The following PREX1 variants were observed in gnomAD, a reference collection of about 807,000 sequenced individuals.
PREX1 encodes phosphatidylinositol 3,4,5-trisphosphate-dependent Rac exchanger 1 protein.
Under a neutral mutation model 198.3 loss-of-function variants are expected in PREX1, and 41 were observed. The ratio of observed to expected loss-of-function variants is 0.21; its 90% CI spans 0.16 to 0.27. The LOEUF is 0.27. Among genes scored for constraint, PREX1 ranks in the 10% least tolerant of loss-of-function variants. The pLI is 1.00. For missense variants in PREX1, 1,620 were observed against 2,200.7 expected, an observed-to-expected ratio of 0.74 and a Z score of 5.28; for synonymous variants, 843 against 887.2, an observed-to-expected ratio of 0.95 and a Z score of 0.89.
At chr20:48,796,747 C>T (rs146832185) in intron 1 of PREX1, among the ~76,000 whole-genome samples, 79 of 149,404 alleles carry the variant, frequency 5.3e-4, no homozygotes, top group African/African-American at 1.7e-3. Flanking sequence ...TATGTATATG[C>T]GTAATTATAT....
At chr20:48,854,659 T>C in the PREX1 span, among the ~76,000 whole-genome samples, 1 of 152,218 alleles carries the variant, frequency 6.6e-6, no homozygotes, top group Non-Finnish European at 1.5e-5. Context: ...TGAATCTCCA[T>C]TGATACTGGT....
intron 3 of PREX1, among the ~76,000 whole-genome samples, chr20:48,743,046 AAC>A: frequency 6.6e-6 from 1 of 152,288 alleles, no homozygotes; most frequent in Admixed American, 6.5e-5. Flanking sequence ...AGGCCGGAGT[AAC>A]ACTCACAGCT....
At chr20:48,801,593 T>G (rs1289606204) in intron 1 of PREX1, among the ~76,000 whole-genome samples, 2 of 152,114 alleles carry the variant, frequency 1.3e-5, no homozygotes, top group Non-Finnish European at 2.9e-5. Flanking sequence ...ATCCAGTCGC[T>G]CCTCTCCTCC....
In PREX1 at chr20:48,649,549, T is replaced by C; in HGVS notation, c.3056A>G (p.Gln1019Arg). Residue 1019 changes from glutamine (Q) to arginine (R), a missense_variant, in exon 25 of 40, where the codon CAG becomes CGG. By Grantham distance (43) the Gln-to-Arg change is conservative. Around this residue, in one of 7 missense-constraint regions of PREX1, gnomAD observed 514 missense variants for 611.6 expected, o/e 0.84. Transcript: ENST00000371941. ...QGHLNPMSYT[Q>R]HCITTMAAPS... The stretch of plus-strand genomic sequence containing the variant: ...AGCAGCCATGGTGGTGATGCAGTGC[T>C]GGGTGTACGACATGGGGTTCAGGTG... The C allele has an allele frequency of 1.2e-6, 2 of 1,607,370 alleles. No homozygotes were observed. The highest frequency in any genetic ancestry group is 1.1e-5 in the South Asian group (1 of 90,238).
intron 1 of PREX1, among the ~76,000 whole-genome samples, chr20:48,760,885 C>T (rs758613554): frequency 1.3e-5 from 2 of 152,142 alleles, no homozygotes; most frequent in Admixed American, 6.5e-5. Flanking sequence ...GTGCCAGGCA[C>T]TGCGCTAAGA....
chr20:48,748,780 G>T (rs898304518), intron 1 of PREX1, among the ~76,000 whole-genome samples: 1 of 152,230 alleles, frequency 6.6e-6, no homozygotes, highest in Admixed American at 6.5e-5. Context: ...GGGGTCACGT[G>T]GGGAGGCCGC....
chr20:48,744,032 AT>A (rs11475891), intron 3 of PREX1, among the ~76,000 whole-genome samples: 3,595 of 136,046 alleles, frequency 0.026, 70 homozygotes, highest in South Asian at 0.083. Flanking sequence ...GATGATGATG[AT>A]GAGTTAACAG....
At chr20:48,637,568 G>A (rs1415340472) in intron 31 of PREX1, 143 bp downstream of exon 31, 2 of 827,840 alleles carry the variant, frequency 2.4e-6, no homozygotes, top group Non-Finnish European at 3.7e-6. Context: ...ACAAGAGGAA[G>A]AAGCAAGTTT....
chr20:48,704,670 C>T (rs964220014), intron 6 of PREX1, among the ~76,000 whole-genome samples: 1 of 152,114 alleles, frequency 6.6e-6, no homozygotes, highest in African/African-American at 2.4e-5. Flanking sequence ...ATTCTCCTGC[C>T]GCAGTCTCCC....
Position 48,684,747 on chromosome 20 carries a change from A to C in PREX1, c.1335-3412T>G, listed in dbSNP as rs1258757320. ...AGACGGAAATGTGAGCTGCCTGCCAAGGCCCTGCCTGAGGTGACCCACTTT... is the reference window on the plus strand; with the variant it reads ...AGACGGAAATGTGAGCTGCCTGCCACGGCCCTGCCTGAGGTGACCCACTTT... On this transcript the variant is annotated intron_variant, in intron 10 of 39. Transcript: ENST00000371941. The surrounding 1 kb of genome is among the most constrained non-coding windows in gnomAD (Gnocchi z 4.2). Among the ~76,000 whole-genome samples, 1 of 152,036 alleles carries C rather than the reference A, an allele frequency of 6.6e-6. No individual in the cohort carries two copies. The highest frequency in any genetic ancestry group is 1.9e-4 in the East Asian group (1 of 5,174).
chr20:48,886,037 T>C, the PREX1 span, among the ~76,000 whole-genome samples: 1 of 152,236 alleles, frequency 6.6e-6, no homozygotes, highest in East Asian at 1.9e-4. Context: ...TCCCGAAACC[T>C]AATGTAAACT....
intron 1 of PREX1, among the ~76,000 whole-genome samples, chr20:48,772,535 G>A (rs1337622125): frequency 1.3e-5 from 2 of 152,238 alleles, no homozygotes; most frequent in Non-Finnish European, 2.9e-5. Flanking sequence ...ACGGGACACA[G>A]ACCCAGCAGT....
chr20:48,748,959 G>A (rs1369230802), intron 1 of PREX1, among the ~76,000 whole-genome samples: 5 of 152,202 alleles, frequency 3.3e-5, no homozygotes, highest in African/African-American at 1.2e-4. Flanking sequence ...TAAAAGTGGG[G>A]GGACCAGGGC....
At chr20:48,793,108 G>C (rs921314649) in intron 1 of PREX1, among the ~76,000 whole-genome samples, 1 of 152,162 alleles carries the variant, frequency 6.6e-6, no homozygotes, top group Non-Finnish European at 1.5e-5. Context: ...GGAAGGCTGA[G>C]GGGGGAGAAT....
chr20:48,868,209 G>A, the PREX1 span, among the ~76,000 whole-genome samples: 151 of 152,294 alleles, frequency 9.9e-4, no homozygotes, highest in Non-Finnish European at 1.6e-3. Context: ...AGGGAGTGGT[G>A]GAAGCTATGG....
chr20:48,676,269 CTG>C lies in PREX1; in HGVS notation c.1590-3_1590-2del. On this transcript the variant is annotated splice_acceptor_variant and splice_polypyrimidine_tract_variant and intron_variant, in intron 13 of 39. Transcript: ENST00000371941. LOFTEE classifies it high-confidence loss of function. ...GGTCTTCAGGTGGTAATCACGGTCT[CTG>C]TGGAGAAGGTGAGCGCACAGTGAGC... is the stretch of plus-strand genomic sequence containing the variant. 3.1e-6 allele frequency: 5 copies of C among 1,613,750 alleles called. No individual in the cohort carries two copies. The highest frequency in any genetic ancestry group is 4.2e-6 in the Non-Finnish European group (5 of 1,179,790).
the PREX1 span, among the ~76,000 whole-genome samples, chr20:48,880,940 A>G: frequency 3.4e-5 from 5 of 149,196 alleles, no homozygotes; most frequent in Non-Finnish European, 7.4e-5. Context: ...CTATGACTAA[A>G]TACTAAGTGT....
intron 1 of PREX1, among the ~76,000 whole-genome samples, chr20:48,786,821 G>C (rs1000879816): frequency 6.2e-5 from 3 of 48,774 alleles, no homozygotes; most frequent in African/African-American, 2.7e-4. Flanking sequence ...GAAAGAAAAA[G>C]AGAGAGAGAG....
intron 1 of PREX1, among the ~76,000 whole-genome samples, chr20:48,803,102 T>G (rs2090394841): frequency 6.6e-6 from 1 of 152,174 alleles, no homozygotes; most frequent in Non-Finnish European, 1.5e-5. Context: ...TTCAGAGGTA[T>G]AGTCAGATTT....
Sources: allele counts gnomAD v4.1 joint callset (sites outside exome capture counted in the v4.1 genomes callset), GRCh38; gene constraint gnomAD v4.1.1; regional missense constraint gnomAD v4.1.1; non-coding constraint Gnocchi (gnomAD v3.1); transcripts MANE v1.5; gene names NCBI Gene and HGNC (gene_info 2026-07-23, HGNC 2026-07-21).